Variants in PAX5 observed in about 807,000 individuals in gnomAD.
PAX5 encodes the protein paired box protein Pax-5.
PAX5 carries 9 observed loss-of-function variants against 43.7 expected under a neutral mutation model. That is an observed-to-expected ratio of 0.21 (90% confidence interval 0.12 to 0.36). The LOEUF is 0.36. Among genes scored for constraint, PAX5 ranks in the 10% least tolerant of loss-of-function variants. PAX5 has a pLI of 1.00. For synonymous variants in PAX5, 228 were observed against 214.3 expected (o/e 1.06, Z -0.56); for missense variants, 383 against 532.7 (o/e 0.72, Z 2.77).
rs1189641214 is a variant in PAX5 at position 36,966,703 on chromosome 9, G to C, written c.626C>G (p.Pro209Arg). The part of the protein sequence containing the change: ...RDEGIQESPV[P>R]NGHSLPGRDF... ...TCTGCCCGGAAGCGAGTGGCCGTTC[G>C]GCACCGGAGACTCCTGAATACCTTT... Residue 209 changes from proline to arginine, a missense_variant, in exon 6 of 10, where the codon CCG becomes CGG. By Grantham distance (103) the Pro-to-Arg change is moderately radical (BLOSUM62 -2). Around this residue, in one of 5 missense-constraint regions of PAX5, gnomAD observed 291 missense variants for 342.5 expected, o/e 0.85. Transcript: ENST00000358127. 3.1e-6 allele frequency: 5 copies of C among 1,614,132 alleles called. No individual in the cohort carries two copies. In the Admixed American group the frequency reaches 8.3e-5, roughly 27 times the overall value.
intron 5 of PAX5, among the ~76,000 whole-genome samples, chr9:36,986,527 C>G (rs1457640974): frequency 6.6e-6 from 1 of 152,128 alleles, no homozygotes; most frequent in Admixed American, 6.5e-5. Flanking sequence ...GCTCAGCCTT[C>G]TCTTTGCGCC....
Position 36,840,580 on chromosome 9 carries a change from T to A in PAX5, c.1156A>T (p.Thr386Ser). 1.3e-6 allele frequency: 2 copies of A among 1,587,224 alleles called. No individual in the cohort carries two copies. Among genetic ancestry groups the A allele is most frequent in the Non-Finnish European group, 1.7e-6 (2 of 1,168,112 alleles). ...AAGGGTCAGTGACGGTCATAGGCAG[T>A]GGCGGCTGCAGGTGGGGCGGCTCCT... ...ARGAAPPAAA[T>S]AYDRH The change falls in exon 10 of 10, where the codon ACT (threonine) becomes TCT (serine). Residue 386 changes from threonine (T) to serine (S), a missense_variant. Thr to Ser is a moderately conservative substitution (Grantham distance 58, BLOSUM62 1). Coordinates refer to ENST00000358127, the MANE Select transcript of PAX5 (RefSeq NM_016734.3).
chr9:36,873,745 C>T (rs1328355731), intron 8 of PAX5, among the ~76,000 whole-genome samples: 2 of 152,234 alleles, frequency 1.3e-5, no homozygotes, highest in Non-Finnish European at 2.9e-5. Flanking sequence ...ACCAAGTTCT[C>T]ACCAGTGTCC....
rs1461689941 is a variant in PAX5 at position 36,839,768 on chromosome 9, C to T, written c.*792G>A. 4.3e-6 allele frequency: 1 copy of T among 233,278 alleles called. No homozygotes were observed. The highest frequency in any genetic ancestry group is 5.6e-5 in the Admixed American group (1 of 17,792). 14.5% of individuals were successfully genotyped at this position (233,278 alleles called of 1,614,324 possible). A position where few individuals can be genotyped will look rare whatever the true frequency, so the allele number is the denominator to read the frequency against. On this transcript the variant is annotated 3_prime_UTR_variant, in exon 10 of 10. Coordinates refer to ENST00000358127, the MANE Select transcript of PAX5 (RefSeq NM_016734.3). ...ATGACATTCTGCTTCGGAAAAGTAG[C>T]TGAGGAATCTCCCAGACAGTTTTCT...
intron 8 of PAX5, among the ~76,000 whole-genome samples, chr9:36,850,039 C>T (rs28600930): frequency 0.031 from 4,754 of 152,300 alleles, 263 homozygotes; most frequent in African/African-American, 0.11. Context: ...GAAGCGACCA[C>T]GTGAACCAGG....
chr9:36,857,449 A>C (rs577149938), intron 8 of PAX5, among the ~76,000 whole-genome samples: 1 of 152,236 alleles, frequency 6.6e-6, no homozygotes, highest in Admixed American at 6.5e-5. Context: ...TTCAATCCTC[A>C]GGGAACTGCC....
At chr9:36,897,900 C>G (rs903535845) in intron 7 of PAX5, among the ~76,000 whole-genome samples, 1 of 152,164 alleles carries the variant, frequency 6.6e-6, no homozygotes, top group African/African-American at 2.4e-5. Context: ...CCCTGGAGCC[C>G]GGGAGATAGG....
intron 6 of PAX5, among the ~76,000 whole-genome samples, chr9:36,929,496 A>C (rs1421484989): frequency 6.6e-6 from 1 of 152,190 alleles, no homozygotes. Context: ...GCCCCCGCCA[A>C]CCCCAGCCCC....
chr9:36,929,983 C>G (rs559933190), intron 6 of PAX5, among the ~76,000 whole-genome samples: 29 of 152,244 alleles, frequency 1.9e-4, no homozygotes, highest in African/African-American at 7.0e-4. Context: ...ACCTCAGCCT[C>G]CCAGAGTGCT....
intron 7 of PAX5, 59 bp downstream of exon 7, chr9:36,923,294 CCA>C (rs750499476): frequency 6.4e-7 from 1 of 1,558,162 alleles, no homozygotes; most frequent in Non-Finnish European, 8.7e-7. Context: ...ACTCTTCCCA[CCA>C]CACACTCCTA....
In PAX5 at chr9:36,838,564, C is replaced by T. The variant is rs777217951; in HGVS notation, c.*1996G>A. 5 of 233,078 alleles carry T rather than the reference C, an allele frequency of 2.1e-5. No individual in the cohort carries two copies. The highest frequency in any genetic ancestry group is 4.2e-5 in the Non-Finnish European group (5 of 118,014). The allele number at this position is 233,078 out of a possible 1,614,324, so 14.4% of individuals were successfully genotyped here. On this transcript the variant is annotated 3_prime_UTR_variant, in exon 10 of 10. Transcript: ENST00000358127. ...TCTCCCTGCATGGTCCTGGCCTTCC[C>T]CAAGCTGGGCCTCAGTTTCCCACAA...
chr9:37,026,583 C>A, intron 1 of PAX5: 1 of 1,346,302 alleles, frequency 7.4e-7, no homozygotes, highest in Non-Finnish European at 9.8e-7. Flanking sequence ...CATCGGGGCG[C>A]TCCAGACTGC....
At chr9:36,885,259 G>T (rs958200397) in intron 7 of PAX5, among the ~76,000 whole-genome samples, 3 of 152,152 alleles carry the variant, frequency 2.0e-5, no homozygotes, top group African/African-American at 7.2e-5. Context: ...CACTGTGTGG[G>T]GAGGTCTCGG....
chr9:37,002,922 G>T, intron 4 of PAX5, 146 bp from the exon 5 acceptor site: 1 of 978,762 alleles, frequency 1.0e-6, no homozygotes, highest in Non-Finnish European at 1.5e-6. Flanking sequence ...TGCGGAGGCG[G>T]CCACACCTGA....
At chr9:36,885,202 C>T (rs1382989830) in intron 7 of PAX5, among the ~76,000 whole-genome samples, 6 of 152,264 alleles carry the variant, frequency 3.9e-5, no homozygotes, top group Middle Eastern at 3.4e-3. Context: ...CAGCATTATT[C>T]CACTGAAACC....
rs981667966 is a variant in PAX5 at position 36,839,792 on chromosome 9, C to T, written c.*768G>A. 5 of 233,320 alleles carry T rather than the reference C, an allele frequency of 2.1e-5. No individual in the cohort carries two copies. The highest frequency in any genetic ancestry group is 1.1e-4 in the African/African-American group (5 of 45,354). 14.5% of individuals were successfully genotyped at this position (233,320 alleles called of 1,614,324 possible). On this transcript the variant is annotated 3_prime_UTR_variant, in exon 10 of 10. Transcript: ENST00000358127. ...GCTGAGGAATCTCCCAGACAGTTTT[C>T]TTTGAGTTCTTTGATCTGGAAAAGA... is the stretch of plus-strand genomic sequence containing the variant.
chr9:36,992,549 C>T (rs1187772428), intron 5 of PAX5, among the ~76,000 whole-genome samples: 2 of 152,188 alleles, frequency 1.3e-5, no homozygotes, highest in Non-Finnish European at 2.9e-5. Context: ...GGAGAAGGCT[C>T]GGTAGCTATG....
At chr9:36,981,410 T>C (rs1438878543) in intron 5 of PAX5, among the ~76,000 whole-genome samples, 2 of 128,340 alleles carry the variant, frequency 1.6e-5, no homozygotes, top group African/African-American at 3.0e-5. Context: ...TAAATACTTG[T>C]AGAGTGAATT....
chr9:37,019,034 C>T (rs553731918), intron 2 of PAX5, among the ~76,000 whole-genome samples: 1 of 152,268 alleles, frequency 6.6e-6, no homozygotes, highest in East Asian at 1.9e-4. Flanking sequence ...CTCTCTCCCT[C>T]TCTCTCGGTA....
Sources: gnomAD v4.1 joint callset for allele counts (sites outside exome capture counted in the v4.1 genomes callset) on GRCh38, gnomAD v4.1.1 for gene constraint, gnomAD v4.1.1 regional missense constraint, MANE v1.5 for transcripts, NCBI Gene and HGNC (gene_info 2026-07-23, HGNC 2026-07-21) for gene names.